CCSER1: variants seen among roughly 807,000 people sequenced by gnomAD.
CCSER1 encodes serine-rich coiled-coil domain-containing protein 1.
A neutral mutation model predicts 82.0 loss-of-function variants in CCSER1; 41 were observed. The observed-to-expected ratio is 0.50, with a 90% CI of 0.39 to 0.65. CCSER1 has a LOEUF of 0.65. Among genes scored for constraint, CCSER1 ranks in the 30% least tolerant of loss-of-function variants. The pLI is 0.00. For missense variants in CCSER1, 1,119 were observed against 1,064.2 expected (o/e 1.05, Z -0.72); for synonymous variants, 414 against 383.9 (o/e 1.08, Z -0.92).
At chr4:90,406,547 G>A (rs1345557236) in intron 4 of CCSER1, among the ~76,000 whole-genome samples, 1 of 152,070 alleles carries the variant, frequency 6.6e-6, no homozygotes, top group Admixed American at 6.6e-5. Flanking sequence ...CCCAACAACT[G>A]CAGAATATAT....
intron 5 of CCSER1, among the ~76,000 whole-genome samples, chr4:90,621,316 G>T (rs1722285244): frequency 6.6e-6 from 1 of 152,104 alleles, no homozygotes; most frequent in African/African-American, 2.4e-5. Flanking sequence ...AGTCATAGGA[G>T]AACCAGCCTT....
intron 10 of CCSER1, among the ~76,000 whole-genome samples, chr4:91,178,076 G>C (rs1277291413): frequency 1.3e-5 from 2 of 152,180 alleles, no homozygotes; most frequent in Non-Finnish European, 1.5e-5. Context: ...GTACCCAGTA[G>C]TCATTCAGGA....
chr4:91,432,678 A>G (rs1359452713), intron 10 of CCSER1, among the ~76,000 whole-genome samples: 1 of 152,154 alleles, frequency 6.6e-6, no homozygotes, highest in Non-Finnish European at 1.5e-5. Context: ...AAAGGGACAT[A>G]TATTCCTTTA....
chr4:90,130,150 A>C (rs907167997), intron 1 of CCSER1, among the ~76,000 whole-genome samples: 15 of 152,216 alleles, frequency 9.9e-5, no homozygotes, highest in African/African-American at 3.4e-4. Flanking sequence ...TTTATTACTC[A>C]TCATAATGCT....
At chr4:91,232,080 G>A (rs1184052897) in intron 10 of CCSER1, among the ~76,000 whole-genome samples, 2 of 151,710 alleles carry the variant, frequency 1.3e-5, no homozygotes, top group Non-Finnish European at 3.0e-5. Context: ...AAACTAAAAA[G>A]TTTTATAATT....
chr4:90,378,917 C>T (rs1346068905), intron 3 of CCSER1, among the ~76,000 whole-genome samples: 5 of 152,088 alleles, frequency 3.3e-5, no homozygotes, highest in African/African-American at 1.2e-4. Flanking sequence ...TCAGTTCTTG[C>T]CACATCCCAT....
chr4:90,723,582 G>A (rs945650413), intron 6 of CCSER1, among the ~76,000 whole-genome samples: 24 of 151,582 alleles, frequency 1.6e-4, no homozygotes, highest in South Asian at 4.2e-4. Context: ...AATTATTACA[G>A]ATACAGTTTA....
chr4:90,617,736 G>C (rs1721553657), intron 5 of CCSER1, among the ~76,000 whole-genome samples: 1 of 152,194 alleles, frequency 6.6e-6, no homozygotes, highest in Admixed American at 6.5e-5. Flanking sequence ...AAGTAATTCA[G>C]CTACTTTAAA....
intron 7 of CCSER1, among the ~76,000 whole-genome samples, chr4:90,800,642 G>C (rs1756680017): frequency 1.3e-5 from 2 of 152,112 alleles, no homozygotes; most frequent in African/African-American, 4.8e-5. Flanking sequence ...CTTGTTGACT[G>C]TTTCTGTTAA....
chr4:90,157,283 C>T (rs1377676887), intron 1 of CCSER1, among the ~76,000 whole-genome samples: 4 of 152,178 alleles, frequency 2.6e-5, no homozygotes, highest in Non-Finnish European at 5.9e-5. Context: ...GTAACCCGAC[C>T]TTTCTCTCTG....
In CCSER1 at chr4:90,441,656, T is replaced by C. The variant is rs371008406; in HGVS notation, c.1604-26578T>C. On this transcript the variant is annotated intron_variant, in intron 4 of 10. Transcript: ENST00000509176. ...ATAGCAATTATCTGTGTTGCTACTA[T>C]GCCATTTAGAATGATAGCACTTGAA... Among the ~76,000 whole-genome samples, 5 of 152,212 alleles carry C rather than the reference T, an allele frequency of 3.3e-5. No homozygotes were observed. The East Asian group carries it at 9.6e-4, about 29-fold the overall frequency.
intron 6 of CCSER1, among the ~76,000 whole-genome samples, chr4:90,689,590 T>C (rs1735447846): frequency 6.6e-6 from 1 of 152,038 alleles, no homozygotes; most frequent in African/African-American, 2.4e-5. Context: ...TAATTAGTAG[T>C]GTTACCCAAA....
intron 3 of CCSER1, among the ~76,000 whole-genome samples, chr4:90,345,442 C>A (rs981322541): frequency 6.6e-6 from 1 of 152,046 alleles, no homozygotes; most frequent in African/African-American, 2.4e-5. Context: ...GCTGCTAATT[C>A]TTCCCAGTGT....
At chr4:91,355,114 C>A (rs1748735280) in intron 10 of CCSER1, among the ~76,000 whole-genome samples, 1 of 152,198 alleles carries the variant, frequency 6.6e-6, no homozygotes, top group Admixed American at 6.5e-5. Context: ...CAAACAAGAT[C>A]TTTTTTTAAT....
chr4:90,869,175 G>T (rs1319281332), intron 8 of CCSER1, among the ~76,000 whole-genome samples: 1 of 151,520 alleles, frequency 6.6e-6, no homozygotes, highest in Non-Finnish European at 1.5e-5. Flanking sequence ...TTTGTTGTTT[G>T]TTTTCTGTGC....
intron 10 of CCSER1, among the ~76,000 whole-genome samples, chr4:91,377,214 G>A (rs992099416): frequency 1.3e-5 from 2 of 152,114 alleles, no homozygotes; most frequent in African/African-American, 2.4e-5. Flanking sequence ...AAACATACAT[G>A]TGCATGTGTC....
intron 8 of CCSER1, among the ~76,000 whole-genome samples, chr4:90,911,086 T>C (rs1245675537): frequency 6.6e-6 from 1 of 152,238 alleles, no homozygotes; most frequent in African/African-American, 2.4e-5. Flanking sequence ...TGCAGGAACT[T>C]AGCAACGTGG....
chr4:91,569,597 C>T (rs879901003), intron 10 of CCSER1, among the ~76,000 whole-genome samples: 6 of 152,078 alleles, frequency 3.9e-5, no homozygotes, highest in Admixed American at 3.9e-4. Flanking sequence ...TGAGTGCCAG[C>T]AGGGTAAATG....
intron 10 of CCSER1, among the ~76,000 whole-genome samples, chr4:91,462,587 G>A (rs1042185504): frequency 6.6e-6 from 1 of 152,094 alleles, no homozygotes; most frequent in Non-Finnish European, 1.5e-5. Context: ...AGTGCAAGGG[G>A]TCAAGGAATT....
Sources: allele counts gnomAD v4.1 joint callset (sites outside exome capture counted in the v4.1 genomes callset), GRCh38; gene constraint gnomAD v4.1.1; transcripts MANE v1.5; gene names NCBI Gene and HGNC (gene_info 2026-07-23, HGNC 2026-07-21).